The following MITF variants were observed in gnomAD, a reference collection of about 807,000 sequenced individuals.
The protein encoded by MITF is microphthalmia-associated transcription factor.
Under a neutral mutation model 60.5 loss-of-function variants are expected in MITF, and 17 were observed. The ratio of observed to expected loss-of-function variants is 0.28; its 90% CI spans 0.19 to 0.42. The LOEUF is 0.42. MITF is among the 10% of genes least tolerant of loss of function. The pLI, the probability that MITF is intolerant of heterozygous loss-of-function variation, is 1.00. For synonymous variants in MITF, 260 were observed against 248.5 expected (o/e 1.05, Z -0.43); for missense variants, 622 against 683.5 (o/e 0.91, Z 1.00).
intron 2 of MITF, among the ~76,000 whole-genome samples, chr3:69,915,209 T>A (rs898044541): frequency 2.0e-5 from 3 of 152,206 alleles, no homozygotes; most frequent in African/African-American, 7.2e-5. Flanking sequence ...TCTCCACATA[T>A]TACATTTGAT....
rs572992212 is a variant in MITF at position 69,802,959 on chromosome 3, T to C, written c.104+63258T>C. 2.0e-5 allele frequency among the ~76,000 whole-genome samples: 3 copies of C among 152,056 alleles called. No individual in the cohort carries two copies. In the East Asian group the frequency reaches 5.8e-4, roughly 29 times the overall value. On this transcript the variant is annotated intron_variant, in intron 1 of 9. Transcript: ENST00000352241. ...TGCCTAGCTAATTTTGTATTTTTAG[T>C]AGGGACGGGGTTTCTCCATGTTGGT... is the stretch of plus-strand genomic sequence containing the variant.
intron 5 of MITF, among the ~76,000 whole-genome samples, chr3:69,942,365 A>G (rs1049417038): frequency 6.6e-6 from 1 of 152,172 alleles, no homozygotes; most frequent in Non-Finnish European, 1.5e-5. Flanking sequence ...AGGTATGACT[A>G]ACTTCCAGTA....
intron 1 of MITF, among the ~76,000 whole-genome samples, chr3:69,822,909 T>A (rs537120176): frequency 6.6e-6 from 1 of 151,952 alleles, no homozygotes; most frequent in Non-Finnish European, 1.5e-5. Flanking sequence ...GTTTGTTTTT[T>A]TTTTTTTCTT....
At chr3:69,760,205 A>G (rs1274101244) in intron 1 of MITF, among the ~76,000 whole-genome samples, 1 of 152,170 alleles carries the variant, frequency 6.6e-6, no homozygotes, top group Non-Finnish European at 1.5e-5. Flanking sequence ...TCATTCTTTA[A>G]TAAGGTGGAG....
intron 1 of MITF, among the ~76,000 whole-genome samples, chr3:69,854,530 A>G (rs751638815): frequency 1.3e-5 from 2 of 152,042 alleles, no homozygotes; most frequent in African/African-American, 2.4e-5. Context: ...TTATTGTTGC[A>G]TTGTTTTTAT....
intron 2 of MITF, among the ~76,000 whole-genome samples, chr3:69,931,318 A>G (rs780653659): frequency 1.2e-4 from 19 of 152,166 alleles, no homozygotes; most frequent in Non-Finnish European, 2.5e-4. Flanking sequence ...ATAAAACCAC[A>G]TGTTCTTTTT....
intron 2 of MITF, among the ~76,000 whole-genome samples, chr3:69,902,810 G>T (rs867184858): frequency 5.9e-4 from 89 of 151,834 alleles, no homozygotes; most frequent in African/African-American, 2.1e-3. Flanking sequence ...GTTAGCCCAT[G>T]ATATTTAGGG....
chr3:69,770,092 A>G (rs1374323939), intron 1 of MITF, among the ~76,000 whole-genome samples: 3 of 152,188 alleles, frequency 2.0e-5, no homozygotes, highest in Non-Finnish European at 2.9e-5. Context: ...GCAGTGAACA[A>G]CATCCTTGGG....
At chr3:69,801,506 A>G (rs1448375096) in intron 1 of MITF, among the ~76,000 whole-genome samples, 1 of 152,154 alleles carries the variant, frequency 6.6e-6, no homozygotes, top group Non-Finnish European at 1.5e-5. Flanking sequence ...GGAACTTAAC[A>G]GTGGAATATA....
chr3:69,782,309 A>G (rs989361118), intron 1 of MITF, among the ~76,000 whole-genome samples: 21 of 152,218 alleles, frequency 1.4e-4, no homozygotes, highest in African/African-American at 5.1e-4. Context: ...ATCTCTATCA[A>G]TCAGTGGATG....
intron 1 of MITF, among the ~76,000 whole-genome samples, chr3:69,773,436 A>G (rs751064935): frequency 1.3e-5 from 2 of 152,238 alleles, no homozygotes; most frequent in Non-Finnish European, 2.9e-5. Flanking sequence ...GGGGGAAAAC[A>G]GGGGTCTGTG....
intron 2 of MITF, among the ~76,000 whole-genome samples, chr3:69,934,550 CT>C (rs2065790404): frequency 6.6e-6 from 1 of 152,136 alleles, no homozygotes; most frequent in African/African-American, 2.4e-5. Flanking sequence ...ATGAGGCAAG[CT>C]CTACTGTCAT....
chr3:69,774,323 C>T (rs928897806), intron 1 of MITF, among the ~76,000 whole-genome samples: 1 of 152,136 alleles, frequency 6.6e-6, no homozygotes, highest in Non-Finnish European at 1.5e-5. Context: ...TAGGGACCGT[C>T]TTTTATTATT....
chr3:69,854,688 C>T (rs946209378), intron 1 of MITF, among the ~76,000 whole-genome samples: 14 of 152,138 alleles, frequency 9.2e-5, no homozygotes, highest in African/African-American at 3.1e-4. Flanking sequence ...GCAATATTGA[C>T]CTTTGCAGCC....
At chr3:69,813,663 A>G (rs1056891430) in intron 1 of MITF, among the ~76,000 whole-genome samples, 1 of 152,222 alleles carries the variant, frequency 6.6e-6, no homozygotes, top group Admixed American at 6.5e-5. Context: ...GTTCATTTTC[A>G]GTGAAGTATG....
intron 1 of MITF, among the ~76,000 whole-genome samples, chr3:69,822,850 G>A (rs925054817): frequency 6.7e-5 from 10 of 149,762 alleles, no homozygotes; most frequent in East Asian, 3.9e-4. Flanking sequence ...ACTCAACCCC[G>A]TCTTATTGAG....
rs868605472 is a variant in MITF at position 69,941,312 on chromosome 3, C to T, written c.743C>T (p.Ala248Val). 2 of 1,611,800 alleles carry T rather than the reference C, an allele frequency of 1.2e-6. No homozygotes were observed. Among genetic ancestry groups the T allele is most frequent in the African/African-American group, 1.3e-5 (1 of 74,836 alleles). The change falls in exon 5 of 10, where the codon GCT becomes GTT. Residue 248 changes from alanine to valine, a missense_variant. This residue lies in a region of MITF where 215 missense variants were observed against 224.8 expected (regional missense o/e 0.96). Coordinates refer to ENST00000352241, the MANE Select transcript of MITF (RefSeq NM_001354604.2). The part of the protein sequence containing the change: ...NEEILGLMDP[A>V]LQMANTLPVS... Reference sequence around the variant, plus strand: ...GAAATCTTGGGCTTGATGGATCCTGCTTTGCAAATGGCAAATACGGTATTG... The same window carrying T: ...GAAATCTTGGGCTTGATGGATCCTGTTTTGCAAATGGCAAATACGGTATTG...
chr3:69,836,979 T>C (rs2063550551), intron 1 of MITF, among the ~76,000 whole-genome samples: 1 of 152,182 alleles, frequency 6.6e-6, no homozygotes, highest in African/African-American at 2.4e-5. Context: ...TGGGCACAGA[T>C]ACTGCAGCCT....
chr3:69,840,021 T>C (rs1422135290), intron 1 of MITF, among the ~76,000 whole-genome samples: 1 of 152,100 alleles, frequency 6.6e-6, no homozygotes, highest in Non-Finnish European at 1.5e-5. Flanking sequence ...AAGTATCCCA[T>C]TTCAGCTGAT....
Sources: allele counts gnomAD v4.1 joint callset (sites outside exome capture counted in the v4.1 genomes callset), GRCh38; gene constraint gnomAD v4.1.1; regional missense constraint gnomAD v4.1.1; transcripts MANE v1.5; gene names NCBI Gene and HGNC (gene_info 2026-07-23, HGNC 2026-07-21).